The following UGT2A3 variants were observed in gnomAD, a reference collection of about 807,000 sequenced individuals.
UGT2A3 encodes the protein UDP glucuronosyltransferase family 2 member A3, also known as UDP-glucuronosyltransferase 2A3.
A neutral mutation model predicts 44.1 loss-of-function variants in UGT2A3; 55 were observed. The observed-to-expected ratio is 1.25, with a 90% CI of 1.00 to 1.56. The LOEUF (loss-of-function observed/expected upper bound fraction) is 1.56. UGT2A3 is among the 40% of genes most tolerant of loss of function. The probability of loss-of-function intolerance (pLI) is 0.00; values close to 1 mark genes in which losing one functional copy is unlikely to be tolerated. For missense variants in UGT2A3, 733 were observed against 621.6 expected, an observed-to-expected ratio of 1.18 and a Z score of -1.91; for synonymous variants, 243 against 215.1, an observed-to-expected ratio of 1.13 and a Z score of -1.13.
rs757749648 is a variant in UGT2A3 at position 68,951,222 on chromosome 4, C to T, written c.539G>A (p.Arg180Gln). ...TGGAGCTGGAAGTTTCCCACAGCTT[C>T]GCTCCATATTGCCTCCTACAGAAAT... ...LRISVGGNME[R>Q]SCGKLPAPLS... Residue 180 changes from arginine to glutamine, a missense_variant, in exon 1 of 6, where the codon CGA (arginine) becomes CAA (glutamine). Physicochemically the swap from Arg to Gln is conservative, Grantham distance 43 (BLOSUM62 1). Transcript: ENST00000251566. 65 of 1,611,684 alleles carry T rather than the reference C, an allele frequency of 4.0e-5. No homozygotes were observed. Among genetic ancestry groups the T allele is most frequent in the Non-Finnish European group, 4.9e-5 (58 of 1,178,934 alleles).
intron 2 of UGT2A3, among the ~76,000 whole-genome samples, chr4:68,941,339 T>A (rs1718179061): frequency 6.6e-6 from 1 of 151,890 alleles, no homozygotes; most frequent in Non-Finnish European, 1.5e-5. Flanking sequence ...AATGGAGGAA[T>A]ATAGCAGCTA....
chr4:68,930,455 A>C, intron 5 of UGT2A3, 91 bp downstream of exon 5: 1 of 1,232,998 alleles, frequency 8.1e-7, no homozygotes, highest in Non-Finnish European at 1.1e-6. Context: ...AAAATCCCTC[A>C]ACATGTCTAC....
In UGT2A3 at chr4:68,930,697, C is replaced by G. The variant is rs377667409; in HGVS notation, c.1153G>C (p.Gly385Arg). 6.2e-7 allele frequency: 1 copy of G among 1,613,044 alleles called. No homozygotes were observed. The highest frequency in any genetic ancestry group is 8.5e-7 in the Non-Finnish European group (1 of 1,179,408). ...ATGGGAACTCCCACCATAGGGACCC[C>G]ATGGTAAATAGCTTCATAGATCCCA... ...MNGIYEAIYH[G>R]VPMVGVPIFG... is the part of the protein sequence containing the mutation. The change falls in exon 5 of 6, where the codon GGG becomes CGG. Residue 385 changes from glycine to arginine, a missense_variant. Gly to Arg is a moderately radical substitution (Grantham distance 125, BLOSUM62 -2). Coordinates refer to ENST00000251566, the MANE Select transcript of UGT2A3 (RefSeq NM_024743.4).
chr4:68,930,784 G>A lies in UGT2A3; in HGVS notation c.1085-19C>T. On this transcript the variant is annotated intron_variant, in intron 4 of 5. Coordinates refer to ENST00000251566, the MANE Select transcript of UGT2A3 (RefSeq NM_024743.4). ...GGATGACCTAGTATGTAAATTGGAT[G>A]AGAAATGGTGAGATATTTTATTCTA... 1 of 1,522,672 alleles carries A rather than the reference G, an allele frequency of 6.6e-7. No individual in the cohort carries two copies. The highest frequency in any genetic ancestry group is 1.4e-5 in the African/African-American group (1 of 71,570). The allele number at this position is 1,522,672 out of a possible 1,614,324, so 94.3% of individuals were successfully genotyped here.
chr4:68,949,053 G>T (rs749705314), intron 1 of UGT2A3, among the ~76,000 whole-genome samples: 1 of 151,610 alleles, frequency 6.6e-6, no homozygotes, highest in Non-Finnish European at 1.5e-5. Flanking sequence ...TCTCTCCTGG[G>T]ACCTAATAGA....
chr4:68,933,509 C>A (rs769348031), intron 2 of UGT2A3, among the ~76,000 whole-genome samples: 17 of 151,996 alleles, frequency 1.1e-4, no homozygotes, highest in Non-Finnish European at 1.9e-4. Flanking sequence ...AGAGCAGAAG[C>A]ACTAATCACA....
At chr4:68,934,780 G>A (rs1280140505) in intron 2 of UGT2A3, among the ~76,000 whole-genome samples, 5 of 151,552 alleles carry the variant, frequency 3.3e-5, no homozygotes, top group African/African-American at 4.8e-5. Flanking sequence ...TGAGGTAGAA[G>A]GATTGCTTAA....
intron 2 of UGT2A3, 133 bp from the exon 3 acceptor site, chr4:68,932,892 A>G (rs1717788983): frequency 1.2e-6 from 1 of 858,664 alleles, no homozygotes; most frequent in African/African-American, 1.7e-5. Context: ...ATATGCTGAC[A>G]CACAGAACTA....
intron 2 of UGT2A3, among the ~76,000 whole-genome samples, chr4:68,940,045 A>G (rs1718126283): frequency 6.6e-6 from 1 of 152,114 alleles, no homozygotes; most frequent in African/African-American, 2.4e-5. Flanking sequence ...AAGTCAGGAA[A>G]CAACAGATAC....
Position 68,945,435 on chromosome 4 carries a change from A to T in UGT2A3, c.735T>A (p.Cys245Ter). The T allele has an allele frequency of 2.5e-6, 4 of 1,610,156 alleles. No individual in the cohort carries two copies. The highest frequency in any genetic ancestry group is 3.4e-6 in the Non-Finnish European group (4 of 1,177,734). ...SKALGRPTTL[C>*]ETVGKAEIWL... ...ATATCTCAGCTTTTCCCACAGTCTC[A>T]CATAATGTAGTGGGCCTTCCTCAAT... is the stretch of plus-strand genomic sequence containing the variant. The change falls in exon 2 of 6, where the codon TGT (cysteine) becomes TGA (stop). Residue 245 changes from cysteine to a stop codon, truncating the protein, a stop_gained. Transcript: ENST00000251566. LOFTEE classifies it high-confidence loss of function.
Position 68,945,468 on chromosome 4 carries a change from A to G in UGT2A3, c.716-14T>C, listed in dbSNP as rs751662079. 5 of 1,583,422 alleles carry G rather than the reference A, an allele frequency of 3.2e-6. No individual in the cohort carries two copies. The South Asian group carries it at 4.6e-5, about 15-fold the overall frequency. On this transcript the variant is annotated splice_polypyrimidine_tract_variant and intron_variant, in intron 1 of 5. Transcript: ENST00000251566. ...TAGTGGGCCTTCCTCAATAAAAGAAATAACAGAATGAATTAGCATACAATT... is the reference window on the plus strand; with the variant it reads ...TAGTGGGCCTTCCTCAATAAAAGAAGTAACAGAATGAATTAGCATACAATT...
At chr4:68,930,201 A>G in intron 5 of UGT2A3, 109 bp from the exon 6 acceptor site, 3 of 1,246,486 alleles carry the variant, frequency 2.4e-6, no homozygotes, top group Non-Finnish European at 3.3e-6. Flanking sequence ...CATGTTCAGT[A>G]AAAGATTGAT....
At chr4:68,944,361 C>T (rs1718305139) in intron 2 of UGT2A3, among the ~76,000 whole-genome samples, 2 of 151,758 alleles carry the variant, frequency 1.3e-5, no homozygotes, top group East Asian at 2.0e-4. Flanking sequence ...TTATGAACAT[C>T]CATGACTAAA....
At chr4:68,943,202 T>C (rs563599017) in intron 2 of UGT2A3, 3 of 493,710 alleles carry the variant, frequency 6.1e-6, no homozygotes, top group South Asian at 2.1e-5. Flanking sequence ...TCTATGAGTG[T>C]GTGTTTGTGT....
rs1717661717 is a variant in UGT2A3, at chr4:68,929,942, CT to C, written c.1454del (p.Gln485ArgfsTer5). On this transcript the variant is annotated frameshift_variant, in exon 6 of 6. Transcript: ENST00000251566. LOFTEE classifies it low-confidence loss of function (END_TRUNC). ...RSAAHDLTWF[Q>X]HYSIDVIGFL... ...ACCCAATCACATCTATAGAGTAGTG[CT>C]GGAACCAGGTGAGGTCATGGGCAGC... The C allele has an allele frequency of 6.2e-7, 1 of 1,613,490 alleles. No individual in the cohort carries two copies. The highest frequency in any genetic ancestry group is 1.7e-5 in the Admixed American group (1 of 59,928).
At chr4:68,934,425 A>G (rs950581247) in intron 2 of UGT2A3, among the ~76,000 whole-genome samples, 11 of 152,074 alleles carry the variant, frequency 7.2e-5, no homozygotes, top group African/African-American at 2.7e-4. Context: ...AGCAGAAATA[A>G]ATGAAATAGA....
At chr4:68,941,394 G>A (rs1216054177) in intron 2 of UGT2A3, among the ~76,000 whole-genome samples, 1 of 151,856 alleles carries the variant, frequency 6.6e-6, no homozygotes, top group Non-Finnish European at 1.5e-5. Flanking sequence ...TAGAAAAAAG[G>A]CAACCTCTTC....
chr4:68,935,261 T>C (rs907975709), intron 2 of UGT2A3, among the ~76,000 whole-genome samples: 2 of 13,076 alleles, frequency 1.5e-4, no homozygotes, highest in Non-Finnish European at 7.3e-4. Context: ...AGGAGGTGTG[T>C]ATGTATGTAT....
Position 68,932,762 on chromosome 4 carries a change from G to C in UGT2A3, c.865-3C>G, listed in dbSNP as rs766891219. On this transcript the variant is annotated splice_region_variant and splice_polypyrimidine_tract_variant and intron_variant, in intron 2 of 5. Transcript: ENST00000251566. ...CTCTGGACAAAATTTTCCATTTCCT[G>C]AAGATAAAAATTTATCTGCATTACA... The C allele has an allele frequency of 6.2e-7, 1 of 1,601,756 alleles. No homozygotes were observed. Among genetic ancestry groups the C allele is most frequent in the South Asian group, 1.1e-5 (1 of 89,454 alleles).
Sources: gnomAD v4.1 joint callset for allele counts (sites outside exome capture counted in the v4.1 genomes callset) on GRCh38, gnomAD v4.1.1 for gene constraint, MANE v1.5 for transcripts, NCBI Gene and HGNC (gene_info 2026-07-23, HGNC 2026-07-21) for gene names.